ARHGAP15: variants seen among roughly 807,000 people sequenced by gnomAD.
The protein encoded by ARHGAP15 is rho GTPase-activating protein 15.
In ARHGAP15, 51 loss-of-function variants were observed where a neutral mutation model predicts 63.7. That is an observed-to-expected ratio of 0.80 (90% CI 0.64 to 1.01). ARHGAP15 has a LOEUF of 1.01. ARHGAP15 is among the 50% of genes least tolerant of loss of function. ARHGAP15 has a pLI of 0.00. For missense variants in ARHGAP15, 560 were observed against 564.6 expected (o/e 0.99, Z 0.08); for synonymous variants, 191 against 193.8 (o/e 0.99, Z 0.12).
intron 6 of ARHGAP15, among the ~76,000 whole-genome samples, chr2:143,290,598 G>T (rs751836358): frequency 6.6e-6 from 1 of 152,030 alleles, no homozygotes; most frequent in Non-Finnish European, 1.5e-5. Context: ...ACATGACGTG[G>T]CATTATGTGA....
chr2:143,650,119 T>G (rs1452673990), intron 12 of ARHGAP15, among the ~76,000 whole-genome samples: 1 of 151,860 alleles, frequency 6.6e-6, no homozygotes, highest in Non-Finnish European at 1.5e-5. Flanking sequence ...AAATGATAAC[T>G]CTAAAAAATG....
intron 5 of ARHGAP15, among the ~76,000 whole-genome samples, chr2:143,245,637 C>T (rs534939286): frequency 1.8e-4 from 27 of 146,210 alleles, no homozygotes; most frequent in East Asian, 1.2e-3. Context: ...TTTTTTTAAA[C>T]GGGTAATGAA....
intron 5 of ARHGAP15, among the ~76,000 whole-genome samples, chr2:143,242,947 C>T (rs1693917775): frequency 6.6e-6 from 1 of 152,156 alleles, no homozygotes; most frequent in Non-Finnish European, 1.5e-5. Flanking sequence ...TAAGGACAAT[C>T]TGAGTCTATA....
At chr2:143,379,342 C>CATAT (rs200625805) in intron 6 of ARHGAP15, among the ~76,000 whole-genome samples, 4 of 148,590 alleles carry the variant, frequency 2.7e-5, no homozygotes, top group Non-Finnish European at 3.0e-5. Flanking sequence ...GTTTTTTAGG[C>CATAT]ATATATATAT....
intron 12 of ARHGAP15, among the ~76,000 whole-genome samples, chr2:143,625,353 C>T (rs1181409427): frequency 6.6e-6 from 1 of 152,064 alleles, no homozygotes; most frequent in Non-Finnish European, 1.5e-5. Context: ...ATTCACAAAG[C>T]CTTCACCCTT....
At chr2:143,681,007 C>T (rs914147422) in intron 12 of ARHGAP15, among the ~76,000 whole-genome samples, 1 of 152,112 alleles carries the variant, frequency 6.6e-6, no homozygotes, top group Non-Finnish European at 1.5e-5. Flanking sequence ...AGACACATCA[C>T]CTTTCAGTGC....
At chr2:143,334,713 G>T (rs1378212590) in intron 6 of ARHGAP15, among the ~76,000 whole-genome samples, 1 of 152,032 alleles carries the variant, frequency 6.6e-6, no homozygotes, top group African/African-American at 2.4e-5. Flanking sequence ...TCATACTAAA[G>T]AATAAGCAAA....
chr2:143,600,093 A>G (rs2105189908), intron 11 of ARHGAP15, among the ~76,000 whole-genome samples: 1 of 152,260 alleles, frequency 6.6e-6, no homozygotes, highest in African/African-American at 2.4e-5. Context: ...ATGGTACTAA[A>G]CACATGGATG....
At chr2:143,219,243 A>G (rs1692891034) in intron 4 of ARHGAP15, among the ~76,000 whole-genome samples, 1 of 152,222 alleles carries the variant, frequency 6.6e-6, no homozygotes, top group South Asian at 2.1e-4. Context: ...AATTGCCTAC[A>G]GTATTCAGTA....
intron 5 of ARHGAP15, among the ~76,000 whole-genome samples, chr2:143,243,588 T>C (rs1406400107): frequency 6.6e-6 from 1 of 152,168 alleles, no homozygotes; most frequent in African/African-American, 2.4e-5. Flanking sequence ...TGCTGTTCAT[T>C]AGCAGACTTT....
Position 143,507,963 on chromosome 2 carries a change from C to T in ARHGAP15, c.827-11303C>T, listed in dbSNP as rs1559016983. Among the ~76,000 whole-genome samples the T allele has an allele frequency of 1.3e-5, 2 of 151,206 alleles. 1 individual carries two copies. The highest frequency in any genetic ancestry group is 4.2e-4 in the South Asian group (2 of 4,730). ...TGAGCCTTCCTACTTCTCCTCTTAACCCCCTTAAATCTAGGCTTCACACGG... is the reference window on the plus strand; with the variant it reads ...TGAGCCTTCCTACTTCTCCTCTTAATCCCCTTAAATCTAGGCTTCACACGG... On this transcript the variant is annotated intron_variant, in intron 9 of 13. Coordinates refer to ENST00000295095, the MANE Select transcript of ARHGAP15 (RefSeq NM_018460.4).
At chr2:143,322,314 T>G (rs1222057997) in intron 6 of ARHGAP15, among the ~76,000 whole-genome samples, 1 of 152,220 alleles carries the variant, frequency 6.6e-6, no homozygotes, top group Non-Finnish European at 1.5e-5. Context: ...GGCTGCTTTC[T>G]TAGCATAAAT....
intron 6 of ARHGAP15, among the ~76,000 whole-genome samples, chr2:143,413,629 A>G (rs1209659851): frequency 1.3e-5 from 2 of 152,074 alleles, no homozygotes; most frequent in African/African-American, 2.4e-5. Context: ...AGCCACCACA[A>G]CCAACTAATT....
chr2:143,208,451 C>A (rs1325183900), intron 3 of ARHGAP15, among the ~76,000 whole-genome samples: 1 of 152,142 alleles, frequency 6.6e-6, no homozygotes, highest in East Asian at 1.9e-4. Flanking sequence ...TTAAACAGAA[C>A]AAAGCATTTA....
intron 12 of ARHGAP15, among the ~76,000 whole-genome samples, chr2:143,670,944 A>T (rs1682491367): frequency 6.6e-6 from 1 of 152,218 alleles, no homozygotes; most frequent in Admixed American, 6.5e-5. Context: ...ATTGGCAGAA[A>T]TTACTGAAAA....
At chr2:143,441,526 A>G (rs905034791) in intron 8 of ARHGAP15, among the ~76,000 whole-genome samples, 3 of 152,340 alleles carry the variant, frequency 2.0e-5, no homozygotes, top group African/African-American at 7.2e-5. Flanking sequence ...CTTTTTTATG[A>G]AGAAATACAA....
intron 11 of ARHGAP15, among the ~76,000 whole-genome samples, chr2:143,611,452 C>T (rs1405124134): frequency 6.6e-6 from 1 of 152,146 alleles, no homozygotes; most frequent in East Asian, 1.9e-4. Flanking sequence ...CTTATAAAAT[C>T]CGTGAATACT....
At chr2:143,336,448 C>T (rs550718780) in intron 6 of ARHGAP15, among the ~76,000 whole-genome samples, 70 of 152,166 alleles carry the variant, frequency 4.6e-4, no homozygotes, top group Middle Eastern at 3.4e-3. Flanking sequence ...GCAAAATTGA[C>T]GGAGGGCAGT....
intron 12 of ARHGAP15, among the ~76,000 whole-genome samples, chr2:143,673,748 G>GTATATATATATA (rs869099523): frequency 0.017 from 564 of 33,844 alleles, 24 homozygotes; most frequent in Non-Finnish European, 0.034. Context: ...GTGTGTGTGT[G>GTATATATATATA]TGTGTGTGTG....
Sources: gnomAD v4.1 joint callset for allele counts (sites outside exome capture counted in the v4.1 genomes callset) on GRCh38, gnomAD v4.1.1 for gene constraint, MANE v1.5 for transcripts, NCBI Gene and HGNC (gene_info 2026-07-23, HGNC 2026-07-21) for gene names.